Variants in NUP210 observed in about 807,000 individuals in gnomAD.
NUP210 encodes nucleoporin 210, also known as nuclear pore membrane glycoprotein 210.
In NUP210, 151 loss-of-function variants were observed where a neutral mutation model predicts 196.0. That is an observed-to-expected ratio of 0.77 (90% CI 0.67 to 0.88). The LOEUF is 0.88. Ranked by LOEUF, NUP210 falls within the 40% of genes least tolerant of loss-of-function variation. The pLI is 0.00. For synonymous variants in NUP210, 1,070 were observed against 1,052.7 expected (o/e 1.02, Z -0.32); for missense variants, 2,314 against 2,493.7 (o/e 0.93, Z 1.53).
chr3:13,341,634 GAC>G, intron 23 of NUP210, 112 bp downstream of exon 23: 1 of 1,248,058 alleles, frequency 8.0e-7, no homozygotes, highest in Non-Finnish European at 1.1e-6. Flanking sequence ...GACATTGTGG[GAC>G]ACAGATTTTT....
At chr3:13,352,873 C>G (rs1698028383) in intron 18 of NUP210, among the ~76,000 whole-genome samples, 1 of 151,844 alleles carries the variant, frequency 6.6e-6, no homozygotes, top group Non-Finnish European at 1.5e-5. Flanking sequence ...GAGAGCAGCT[C>G]TCAGGGGAAC....
chr3:13,398,169 G>T (rs750243658), intron 2 of NUP210, among the ~76,000 whole-genome samples: 27 of 152,234 alleles, frequency 1.8e-4, no homozygotes, highest in African/African-American at 3.6e-4. Context: ...GCCAGGTGTG[G>T]TGGCTCACGT....
rs950008269 is a variant in NUP210, at chr3:13,327,397, T to C, written c.4327A>G (p.Thr1443Ala). ...ACGCTGACTGTGCGGACAACGCAGG[T>C]GTTGTTGGTGGGGCCCTTCCCGATC... The part of the protein sequence containing the change: ...VQIGKGPTNN[T>A]CVVRTVSVGL... The change falls in exon 32 of 40, where the codon ACC (threonine) becomes GCC (alanine). Residue 1443 changes from threonine to alanine, a missense_variant. Coordinates refer to ENST00000254508, the MANE Select transcript of NUP210 (RefSeq NM_024923.4). 4 of 1,612,798 alleles carry C rather than the reference T, an allele frequency of 2.5e-6. No homozygotes were observed. In the African/African-American group the frequency reaches 5.3e-5, roughly 22 times the overall value.
intron 1 of NUP210, among the ~76,000 whole-genome samples, chr3:13,404,990 A>C (rs1235516569): frequency 3.3e-5 from 5 of 152,074 alleles, no homozygotes; most frequent in Non-Finnish European, 5.9e-5. Flanking sequence ...GCAGGCAGGA[A>C]CAGTTCGTTT....
chr3:13,420,176 C>G lies in NUP210; in HGVS notation c.51G>C (p.Leu17Phe). ...GLLLLTLSVL[L>F]AAGPSAAAAK... ...CCGCAGCGGCGGAGGGGCCCGCCGC[C>G]AACAGCACCGACAGCGTCAGCAGCA... Residue 17 changes from leucine to phenylalanine, a missense_variant, in exon 1 of 40, where the codon TTG (leucine) becomes TTC (phenylalanine). Coordinates refer to ENST00000254508, the MANE Select transcript of NUP210 (RefSeq NM_024923.4). The surrounding 1 kb of genome is among the most constrained non-coding windows in gnomAD (Gnocchi z 4.8). 7.9e-7 allele frequency: 1 copy of G among 1,260,892 alleles called. No individual in the cohort carries two copies. The highest frequency in any genetic ancestry group is 1.0e-6 in the Non-Finnish European group (1 of 985,770). 78.1% of individuals were successfully genotyped at this position (1,260,892 alleles called of 1,614,324 possible).
intron 12 of NUP210, among the ~76,000 whole-genome samples, chr3:13,372,997 G>T (rs564895679): frequency 6.6e-6 from 1 of 152,248 alleles, no homozygotes; most frequent in South Asian, 2.1e-4. Flanking sequence ...TGAGAATCAG[G>T]CCTCACTTTA....
At chr3:13,325,675 C>G in intron 33 of NUP210, 120 bp downstream of exon 33, 4 of 1,234,496 alleles carry the variant, frequency 3.2e-6, no homozygotes, top group Non-Finnish European at 4.6e-6. Flanking sequence ...TCATGACTCC[C>G]AGACCCAACC....
At chr3:13,395,752 T>C (rs1699631919) in intron 3 of NUP210, among the ~76,000 whole-genome samples, 1 of 152,238 alleles carries the variant, frequency 6.6e-6, no homozygotes, top group African/African-American at 2.4e-5. Flanking sequence ...GTTATGAGCA[T>C]TCACATGTGA....
Position 13,342,001 on chromosome 3 carries a change from T to C in NUP210, c.3087A>G (p.Thr1029=), listed in dbSNP as rs767517359. ...TGACCCCTAGGAGAACTCACACCAA[T>C]GTAATGATCGGGGAGGCTGCTCGGA... is the stretch of plus-strand genomic sequence containing the variant. ...LKLRAASPII[T]LVALDEALDN... is the part of the protein sequence containing the mutation. Residue 1029 remains threonine, a synonymous_variant, in exon 22 of 40, where the codon ACA becomes ACG. Transcript: ENST00000254508. The C allele has an allele frequency of 1.2e-6, 2 of 1,614,136 alleles. No individual in the cohort carries two copies. Among genetic ancestry groups the C allele is most frequent in the South Asian group, 1.1e-5 (1 of 91,088 alleles).
At chr3:13,337,346 G>T (rs1430212045) in intron 26 of NUP210, among the ~76,000 whole-genome samples, 1 of 152,222 alleles carries the variant, frequency 6.6e-6, no homozygotes, top group African/African-American at 2.4e-5. Flanking sequence ...CGGCTTGAGG[G>T]CACAGGCGGA....
chr3:13,412,260 G>T (rs1273148174), intron 1 of NUP210, among the ~76,000 whole-genome samples: 1 of 123,576 alleles, frequency 8.1e-6, no homozygotes, highest in Non-Finnish European at 1.6e-5. Flanking sequence ...TAGAGACAGG[G>T]TTTCGCTATG....
At position 13,399,122 on chromosome 3, in the gene NUP210, C is replaced by T. The variant is rs143201334; in HGVS notation, c.304+603G>A. Reference sequence around the variant, plus strand: ...CTCTATTGAAAATACAAAAATTAGCCGGGTGTGGTGGCGCATGCCTGTAGT... The same window carrying T: ...CTCTATTGAAAATACAAAAATTAGCTGGGTGTGGTGGCGCATGCCTGTAGT... On this transcript the variant is annotated intron_variant, in intron 2 of 39. Transcript: ENST00000254508. Among the ~76,000 whole-genome samples the T allele has an allele frequency of 7.9e-5, 12 of 151,798 alleles. No individual in the cohort carries two copies. The South Asian group carries it at 1.0e-3, about 13-fold the overall frequency.
chr3:13,320,037 C>T (rs751296386), intron 36 of NUP210, 58 bp from the exon 37 acceptor site: 220 of 1,522,438 alleles, frequency 1.4e-4, no homozygotes, highest in Middle Eastern at 3.9e-4. Flanking sequence ...GACCACTGAG[C>T]GGGGCCTCAG....
intron 15 of NUP210, among the ~76,000 whole-genome samples, chr3:13,359,472 T>C (rs1559327698): frequency 6.6e-6 from 1 of 152,200 alleles, no homozygotes; most frequent in Non-Finnish European, 1.5e-5. Context: ...GTGGCATGGC[T>C]GATACCATAA....
Position 13,397,500 on chromosome 3 carries a change from C to T in NUP210, c.305-12G>A. 1 of 1,585,866 alleles carries T rather than the reference C, an allele frequency of 6.3e-7. No homozygotes were observed. Among genetic ancestry groups the T allele is most frequent in the Non-Finnish European group, 8.6e-7 (1 of 1,166,222 alleles). Reference sequence around the variant, plus strand: ...GACCTGGCCTGTGGCTGGAGGAACCCCAGGAAGGGGTCAGCACCAAAGACA... The same window carrying T: ...GACCTGGCCTGTGGCTGGAGGAACCTCAGGAAGGGGTCAGCACCAAAGACA... On this transcript the variant is annotated splice_polypyrimidine_tract_variant and intron_variant, in intron 2 of 39. Transcript: ENST00000254508.
At chr3:13,317,916 A>G (rs1422689780) in intron 39 of NUP210, 135 bp from the exon 40 acceptor site, 4 of 634,318 alleles carry the variant, frequency 6.3e-6, no homozygotes, top group Non-Finnish European at 1.1e-5. Flanking sequence ...CTCCCCGGCC[A>G]GCAGAGGGAA....
intron 34 of NUP210, among the ~76,000 whole-genome samples, chr3:13,322,777 T>C (rs927551922): frequency 2.6e-5 from 4 of 152,230 alleles, no homozygotes; most frequent in African/African-American, 7.2e-5. Flanking sequence ...GAGGCTGCCA[T>C]GATGGAACAG....
Position 13,371,809 on chromosome 3 carries a change from CACCTGCTCAGCAGCGCTGGTTT to C in NUP210, c.1786+3_1786+24del, listed in dbSNP as rs764360731. The C allele has an allele frequency of 6.3e-7, 1 of 1,579,374 alleles. No individual in the cohort carries two copies. The highest frequency in any genetic ancestry group is 8.6e-7 in the Non-Finnish European group (1 of 1,160,934). ...ATCTGGCCCCAATCCCAGTATCTGG[CACCTGCTCAGCAGCGCTGGTTT>C]ACCTGGGAGTGGCTGGAACACACCC... On this transcript the variant is annotated splice_donor_5th_base_variant and intron_variant, in intron 13 of 39. Transcript: ENST00000254508.
At chr3:13,371,303 C>T (rs1329741034) in intron 13 of NUP210, among the ~76,000 whole-genome samples, 1 of 152,194 alleles carries the variant, frequency 6.6e-6, no homozygotes, top group Non-Finnish European at 1.5e-5. Flanking sequence ...GGGCCAATAA[C>T]AGATCCTTCT....
Sources: allele counts gnomAD v4.1 joint callset (sites outside exome capture counted in the v4.1 genomes callset), GRCh38; gene constraint gnomAD v4.1.1; non-coding constraint Gnocchi (gnomAD v3.1); transcripts MANE v1.5; gene names NCBI Gene and HGNC (gene_info 2026-07-23, HGNC 2026-07-21).